Variants in NEK10 observed in about 807,000 individuals in gnomAD.
NEK10 encodes serine/threonine-protein kinase Nek10.
Under a neutral mutation model 159.8 loss-of-function variants are expected in NEK10, and 122 were observed. The observed-to-expected ratio is 0.76, with a 90% CI of 0.66 to 0.89. NEK10 has a LOEUF of 0.89. NEK10 is among the 40% of genes least tolerant of loss of function. The pLI, the probability that NEK10 is intolerant of heterozygous loss-of-function variation, is 0.00. For synonymous variants in NEK10, 466 were observed against 457.1 expected, an observed-to-expected ratio of 1.02 and a Z score of -0.25; for missense variants, 1,342 against 1,323.1, an observed-to-expected ratio of 1.01 and a Z score of -0.22.
intron 13 of NEK10, among the ~76,000 whole-genome samples, chr3:27,301,482 T>C (rs2043818362): frequency 1.3e-5 from 2 of 152,166 alleles, no homozygotes; most frequent in African/African-American, 4.8e-5. Flanking sequence ...TCTTGCTAGG[T>C]TCAGAACACA....
intron 32 of NEK10, among the ~76,000 whole-genome samples, chr3:27,120,893 A>C (rs1941210957): frequency 6.6e-6 from 1 of 152,192 alleles, no homozygotes; most frequent in Admixed American, 6.5e-5. Context: ...TTAAAATATA[A>C]ATTCATAATA....
At chr3:27,363,118 C>T (rs920895347) in intron 1 of NEK10, among the ~76,000 whole-genome samples, 5 of 152,164 alleles carry the variant, frequency 3.3e-5, no homozygotes, top group Admixed American at 2.6e-4. Context: ...CAGAGTTACT[C>T]CTCCTGAATA....
At chr3:27,173,915 T>C (rs540696943) in intron 28 of NEK10, among the ~76,000 whole-genome samples, 235 of 152,298 alleles carry the variant, frequency 1.5e-3, no homozygotes, top group Non-Finnish European at 1.7e-3. Flanking sequence ...CTATTTTCTT[T>C]ACTGTTTTAA....
chr3:27,328,617 C>T (rs557807752), intron 5 of NEK10, among the ~76,000 whole-genome samples: 9 of 152,298 alleles, frequency 5.9e-5, no homozygotes, highest in East Asian at 1.9e-4. Flanking sequence ...AGAGCTTTAA[C>T]GGCCTTGTAA....
At chr3:27,158,359 A>G (rs1945702567) in intron 30 of NEK10, among the ~76,000 whole-genome samples, 1 of 152,214 alleles carries the variant, frequency 6.6e-6, no homozygotes, top group Non-Finnish European at 1.5e-5. Flanking sequence ...TCACTTTGGC[A>G]ATTGTGAAGA....
chr3:27,136,790 G>C (rs1432172713), intron 31 of NEK10, among the ~76,000 whole-genome samples: 1 of 152,172 alleles, frequency 6.6e-6, no homozygotes, highest in Non-Finnish European at 1.5e-5. Context: ...TGTCTCCATG[G>C]AAACGAGACA....
intron 12 of NEK10, among the ~76,000 whole-genome samples, chr3:27,303,168 T>C (rs1045906565): frequency 1.3e-5 from 2 of 152,212 alleles, no homozygotes; most frequent in Non-Finnish European, 2.9e-5. Context: ...GTCATTGTCC[T>C]GGGGAAAAGT....
At chr3:27,308,856 A>G (rs2149580033) in intron 10 of NEK10, 70 bp downstream of exon 10, 1 of 647,200 alleles carries the variant, frequency 1.5e-6, no homozygotes, top group Non-Finnish European at 2.7e-6. Flanking sequence ...GTAACTGATT[A>G]TTTTGCATCC....
At chr3:27,323,613 A>G (rs655736) in intron 5 of NEK10, among the ~76,000 whole-genome samples, 1 of 151,878 alleles carries the variant, frequency 6.6e-6, no homozygotes, top group Non-Finnish European at 1.5e-5. Flanking sequence ...GGAAAAAAAA[A>G]CCTGGATTTT....
At chr3:27,222,684 AG>A (rs1952241417) in intron 23 of NEK10, among the ~76,000 whole-genome samples, 2 of 152,198 alleles carry the variant, frequency 1.3e-5, no homozygotes, top group Admixed American at 6.5e-5. Flanking sequence ...ACTTTACTTA[AG>A]CAGAGAGCTA....
intron 13 of NEK10, among the ~76,000 whole-genome samples, chr3:27,299,923 G>A (rs976676112): frequency 1.1e-4 from 16 of 152,276 alleles, no homozygotes; most frequent in Middle Eastern, 3.4e-3. Flanking sequence ...ACTTGCTTTT[G>A]ATTTTACAGG....
rs982959727 is a variant in NEK10, at chr3:27,355,303, C to A, written c.-37-2384G>T. 4.6e-5 allele frequency among the ~76,000 whole-genome samples: 7 copies of A among 152,142 alleles called. No homozygotes were observed. In the South Asian group the frequency reaches 1.0e-3, roughly 23 times the overall value. On this transcript the variant is annotated intron_variant, in intron 1 of 35. Coordinates refer to ENST00000691995, the MANE Select transcript of NEK10 (RefSeq NM_001394966.1). Reference sequence around the variant, plus strand: ...CTTGCAGTCCCATGGTTTTACATACCATCAGCAATTATAAATTTATATGTT... The same window carrying A: ...CTTGCAGTCCCATGGTTTTACATACAATCAGCAATTATAAATTTATATGTT...
intron 5 of NEK10, among the ~76,000 whole-genome samples, chr3:27,342,778 T>A (rs1278854087): frequency 6.6e-6 from 1 of 151,990 alleles, no homozygotes; most frequent in Non-Finnish European, 1.5e-5. Flanking sequence ...AATAGTCTAC[T>A]GGGCATCTCT....
chr3:27,353,102 G>T (rs570843361), intron 1 of NEK10, among the ~76,000 whole-genome samples, 183 bp from the exon 2 acceptor site: 1 of 152,200 alleles, frequency 6.6e-6, no homozygotes, highest in Non-Finnish European at 1.5e-5. Flanking sequence ...AAAGGACATT[G>T]GGAACATTTA....
intron 22 of NEK10, among the ~76,000 whole-genome samples, chr3:27,277,122 C>T (rs2041829472): frequency 6.6e-6 from 1 of 152,136 alleles, no homozygotes; most frequent in Non-Finnish European, 1.5e-5. Flanking sequence ...GCCACCTTGC[C>T]TCCCATCTTT....
chr3:27,119,890 C>G, intron 32 of NEK10, 22 bp from the exon 33 acceptor site: 1 of 1,568,548 alleles, frequency 6.4e-7, no homozygotes, highest in Non-Finnish European at 8.8e-7. Context: ...AAAGCAAAAT[C>G]ACATCTTAGT....
chr3:27,212,674 G>A (rs1010508184), intron 23 of NEK10, among the ~76,000 whole-genome samples: 11 of 152,248 alleles, frequency 7.2e-5, no homozygotes, highest in Non-Finnish European at 4.4e-5. Flanking sequence ...ATGTTATATA[G>A]TAGTTATTTC....
intron 25 of NEK10, among the ~76,000 whole-genome samples, chr3:27,199,408 TACCA>T (rs1282402681): frequency 6.6e-6 from 1 of 152,184 alleles, no homozygotes; most frequent in East Asian, 1.9e-4. Context: ...CACAATGAGA[TACCA>T]TCTTATACCA....
At chr3:27,116,851 G>A (rs920093862) in intron 33 of NEK10, among the ~76,000 whole-genome samples, 2 of 151,866 alleles carry the variant, frequency 1.3e-5, no homozygotes, top group African/African-American at 4.8e-5. Flanking sequence ...TACATGAGCA[G>A]GATGTGCAGG....
Sources: gnomAD v4.1 joint callset for allele counts (sites outside exome capture counted in the v4.1 genomes callset) on GRCh38, gnomAD v4.1.1 for gene constraint, MANE v1.5 for transcripts, NCBI Gene and HGNC (gene_info 2026-07-23, HGNC 2026-07-21) for gene names.